The following GDAP2 variants were observed in gnomAD, a reference collection of about 807,000 sequenced individuals.
GDAP2 encodes the protein ganglioside induced differentiation associated protein 2, also known as ganglioside-induced differentiation-associated protein 2.
GDAP2 carries 51 observed loss-of-function variants against 67.0 expected under a neutral mutation model. That is an observed-to-expected ratio of 0.76 (90% CI 0.61 to 0.96). The LOEUF (loss-of-function observed/expected upper bound fraction) is 0.96. Ranked by LOEUF, GDAP2 falls within the 40% of genes least tolerant of loss-of-function variation. The pLI, the probability that GDAP2 is intolerant of heterozygous loss-of-function variation, is 0.00. For missense variants in GDAP2, 547 were observed against 588.3 expected (o/e 0.93, Z 0.73); for synonymous variants, 203 against 207.3 (o/e 0.98, Z 0.18).
chr1:117,910,308 A>T (rs928639077), intron 5 of GDAP2, among the ~76,000 whole-genome samples: 3 of 152,142 alleles, frequency 2.0e-5, no homozygotes, highest in African/African-American at 7.2e-5. Context: ...TTGTTAAGTA[A>T]AGTAAGTGGA....
chr1:117,923,623 C>G (rs996020430), intron 1 of GDAP2, among the ~76,000 whole-genome samples: 80 of 152,188 alleles, frequency 5.3e-4, no homozygotes, highest in Non-Finnish European at 8.5e-4. Context: ...TTTCTCCCCC[C>G]CAAATAAATG....
At chr1:117,905,430 A>G (rs1212665773) in intron 6 of GDAP2, among the ~76,000 whole-genome samples, 1 of 152,110 alleles carries the variant, frequency 6.6e-6, no homozygotes, top group African/African-American at 2.4e-5. Flanking sequence ...GACCGCTGTC[A>G]TTTGCCTCTC....
chr1:117,874,806 G>C (rs540504377), intron 13 of GDAP2, among the ~76,000 whole-genome samples: 1 of 152,146 alleles, frequency 6.6e-6, no homozygotes, highest in African/African-American at 2.4e-5. Flanking sequence ...GATGGAAGTG[G>C]GGAACTTAGG....
chr1:117,871,050 A>T (rs1225827185), intron 13 of GDAP2, among the ~76,000 whole-genome samples: 1 of 152,192 alleles, frequency 6.6e-6, no homozygotes, highest in African/African-American at 2.4e-5. Context: ...TAACATCCAG[A>T]TTCTTTTTTG....
In GDAP2 at chr1:117,886,701, T is replaced by C. The variant is rs1348792005; in HGVS notation, c.1031-48A>G. Reference sequence around the variant, plus strand: ...GCACCCAGAAACTTCATTCCAAGAATACTATTTGTCTTGGGCTCTGACTTT... The same window carrying C: ...GCACCCAGAAACTTCATTCCAAGAACACTATTTGTCTTGGGCTCTGACTTT... On this transcript the variant is annotated intron_variant, in intron 9 of 13. Transcript: ENST00000369443. The C allele has an allele frequency of 5.4e-6, 5 of 932,152 alleles. No homozygotes were observed. In the African/African-American group the frequency reaches 8.1e-5, roughly 15 times the overall value. 57.7% of individuals were successfully genotyped at this position (932,152 alleles called of 1,614,324 possible).
At chr1:117,894,371 C>T (rs1649195508) in intron 8 of GDAP2, among the ~76,000 whole-genome samples, 1 of 152,108 alleles carries the variant, frequency 6.6e-6, no homozygotes, top group African/African-American at 2.4e-5. Context: ...ACATTATTTG[C>T]ATTTTTCACT....
chr1:117,909,196 A>G (rs1462688531), intron 5 of GDAP2, among the ~76,000 whole-genome samples: 3 of 152,254 alleles, frequency 2.0e-5, no homozygotes, highest in African/African-American at 7.2e-5. Context: ...CTAGGACATT[A>G]TAATTCCCCA....
Position 117,870,485 on chromosome 1 carries a change from G to T in GDAP2, c.*84C>A. 1 of 876,206 alleles carries T rather than the reference G, an allele frequency of 1.1e-6. No individual in the cohort carries two copies. Among genetic ancestry groups the T allele is most frequent in the Non-Finnish European group, 2.0e-6 (1 of 507,998 alleles). The allele number at this position is 876,206 out of a possible 1,614,324, so 54.3% of individuals were successfully genotyped here. On this transcript the variant is annotated 3_prime_UTR_variant, in exon 14 of 14. Coordinates refer to ENST00000369443, the MANE Select transcript of GDAP2 (RefSeq NM_017686.4). The stretch of plus-strand genomic sequence containing the variant: ...ACAAAAGGCTCTCTGGATCTGTACA[G>T]CAACAATGAATATCACTTCAACAGG...
In GDAP2 at chr1:117,868,894, G is replaced by A. The variant is rs150522190; in HGVS notation, c.*1675C>T. ...TTTTGAGGTCTGACACAAAGAAAAT[G>A]TGTTCAATACATGCAAAAGATAAGA... On this transcript the variant is annotated 3_prime_UTR_variant, in exon 14 of 14. Coordinates refer to ENST00000369443, the MANE Select transcript of GDAP2 (RefSeq NM_017686.4). 1.1e-4 allele frequency: 17 copies of A among 152,242 alleles called. No individual in the cohort carries two copies. In the East Asian group the frequency reaches 3.3e-3, roughly 29 times the overall value. 9.4% of individuals were successfully genotyped at this position (152,242 alleles called of 1,614,324 possible). A position where few individuals can be genotyped will look rare whatever the true frequency, so the allele number is the denominator to read the frequency against.
intron 6 of GDAP2, 95 bp downstream of exon 6, chr1:117,906,411 T>A (rs1649661537): frequency 1.5e-6 from 1 of 685,034 alleles, no homozygotes; most frequent in African/African-American, 1.8e-5. Flanking sequence ...TTAGGATTTG[T>A]CTGCTGGAAA....
intron 2 of GDAP2, among the ~76,000 whole-genome samples, chr1:117,919,888 G>A (rs563744215): frequency 2.7e-5 from 4 of 150,762 alleles, no homozygotes; most frequent in Admixed American, 2.6e-4. Context: ...GATGGGGAGG[G>A]AGGGAAGGGC....
chr1:117,890,316 G>C (rs12116827), intron 8 of GDAP2, among the ~76,000 whole-genome samples: 52,249 of 151,804 alleles, frequency 0.34, 10,635 homozygotes, highest in Non-Finnish European at 0.46. Context: ...TATTGAAAAG[G>C]CTATTTCTAT....
chr1:117,919,686 T>C (rs1367280942), intron 2 of GDAP2, among the ~76,000 whole-genome samples: 1 of 152,220 alleles, frequency 6.6e-6, no homozygotes, highest in Non-Finnish European at 1.5e-5. Context: ...TGATGAATTA[T>C]ATTGTATATG....
At chr1:117,901,478 C>T (rs1649466434) in intron 6 of GDAP2, among the ~76,000 whole-genome samples, 1 of 152,172 alleles carries the variant, frequency 6.6e-6, no homozygotes, top group Non-Finnish European at 1.5e-5. Flanking sequence ...TTTTACATTC[C>T]AATTAACTAT....
At chr1:117,913,890 C>A (rs980834081) in intron 3 of GDAP2, among the ~76,000 whole-genome samples, 1 of 152,106 alleles carries the variant, frequency 6.6e-6, no homozygotes, top group African/African-American at 2.4e-5. Context: ...AGATCTGAAT[C>A]CTTGTAAGAG....
At chr1:117,904,511 C>T (rs921087835) in intron 6 of GDAP2, among the ~76,000 whole-genome samples, 1 of 152,010 alleles carries the variant, frequency 6.6e-6, no homozygotes, top group Non-Finnish European at 1.5e-5. Flanking sequence ...TTTCATTATC[C>T]CTTTATTCAT....
intron 2 of GDAP2, among the ~76,000 whole-genome samples, chr1:117,919,890 G>T (rs1468655884): frequency 2.0e-5 from 3 of 152,016 alleles, no homozygotes; most frequent in Non-Finnish European, 4.4e-5. Context: ...TGGGGAGGGA[G>T]GGAAGGGCAG....
At chr1:117,871,115 A>T (rs1020619722) in intron 13 of GDAP2, among the ~76,000 whole-genome samples, 2 of 152,226 alleles carry the variant, frequency 1.3e-5, no homozygotes, top group African/African-American at 4.8e-5. Context: ...TAGGAAAACA[A>T]AAAAGTTATC....
chr1:117,925,374 G>T (rs544054455), intron 1 of GDAP2, among the ~76,000 whole-genome samples: 1 of 152,058 alleles, frequency 6.6e-6, no homozygotes, highest in Non-Finnish European at 1.5e-5. Context: ...GATTGCTTGA[G>T]CCCAGGAGGC....
Sources: allele counts gnomAD v4.1 joint callset (sites outside exome capture counted in the v4.1 genomes callset), GRCh38; gene constraint gnomAD v4.1.1; transcripts MANE v1.5; gene names NCBI Gene and HGNC (gene_info 2026-07-23, HGNC 2026-07-21).